Variants in STK32A observed in about 807,000 individuals in gnomAD.
STK32A encodes serine/threonine-protein kinase 32A.
In STK32A, 41 loss-of-function variants were observed where a neutral mutation model predicts 53.2. The ratio of observed to expected loss-of-function variants is 0.77; its 90% CI spans 0.60 to 1.00. The LOEUF (loss-of-function observed/expected upper bound fraction) is 1.00, where lower values mean the gene tolerates loss of function less well. Among genes scored for constraint, STK32A ranks in the 50% least tolerant of loss-of-function variants. The probability of loss-of-function intolerance (pLI) is 0.00; values close to 1 mark genes in which losing one functional copy is unlikely to be tolerated. For missense variants in STK32A, 458 were observed against 485.8 expected, an observed-to-expected ratio of 0.94 and a Z score of 0.54; for synonymous variants, 166 against 162.8, an observed-to-expected ratio of 1.02 and a Z score of -0.15.
At chr5:147,283,416 C>T (rs1752160538) in intron 4 of STK32A, among the ~76,000 whole-genome samples, 1 of 150,674 alleles carries the variant, frequency 6.6e-6, no homozygotes, top group African/African-American at 2.4e-5. Flanking sequence ...AAACCCAAAC[C>T]CGGCAGAAGA....
chr5:147,369,623 T>G (rs999380901), intron 8 of STK32A, among the ~76,000 whole-genome samples: 4 of 152,134 alleles, frequency 2.6e-5, no homozygotes, highest in African/African-American at 9.7e-5. Context: ...TTATATTACC[T>G]CTTAACACTG....
rs183341906 is a variant in STK32A at position 147,373,613 on chromosome 5, G to A, written c.903+319G>A. Among the ~76,000 whole-genome samples, 8 of 151,946 alleles carry A rather than the reference G, an allele frequency of 5.3e-5. No individual in the cohort carries two copies. In the East Asian group the frequency reaches 9.7e-4, roughly 18 times the overall value. ...ATAGTCATTCTCATGAATCTGCTGG[G>A]GTTTTTTTTAAGTTTTCTTTGATTC... is the stretch of plus-strand genomic sequence containing the variant. On this transcript the variant is annotated intron_variant, in intron 10 of 12. Coordinates refer to ENST00000397936, the MANE Select transcript of STK32A (RefSeq NM_001112724.2).
intron 2 of STK32A, among the ~76,000 whole-genome samples, chr5:147,271,975 T>G (rs2151951778): frequency 6.6e-6 from 1 of 152,270 alleles, no homozygotes; most frequent in East Asian, 1.9e-4. Flanking sequence ...CTCCCTCCCC[T>G]TTTGAAAATC....
chr5:147,284,123 C>G (rs999588198), intron 4 of STK32A, among the ~76,000 whole-genome samples: 1 of 152,050 alleles, frequency 6.6e-6, no homozygotes, highest in Non-Finnish European at 1.5e-5. Context: ...TTAACATACA[C>G]AAGTCAATAA....
intron 4 of STK32A, among the ~76,000 whole-genome samples, chr5:147,311,018 C>T (rs958954282): frequency 6.6e-6 from 1 of 152,128 alleles, no homozygotes; most frequent in Non-Finnish European, 1.5e-5. Context: ...AACTAATCTG[C>T]AACCTGTTAT....
chr5:147,361,103 G>A (rs1306383129), intron 7 of STK32A, among the ~76,000 whole-genome samples: 1 of 152,144 alleles, frequency 6.6e-6, no homozygotes, highest in Non-Finnish European at 1.5e-5. Context: ...AATGTATGCT[G>A]TACCAAATTC....
chr5:147,383,786 A>T (rs1757545660), intron 12 of STK32A, 104 bp from the exon 13 acceptor site: 11 of 1,110,410 alleles, frequency 9.9e-6, no homozygotes, highest in Non-Finnish European at 1.4e-5. Context: ...TCCTTGGCTC[A>T]TGCTTATTTA....
At chr5:147,350,588 G>A (rs748824203) in intron 6 of STK32A, among the ~76,000 whole-genome samples, 3 of 151,606 alleles carry the variant, frequency 2.0e-5, no homozygotes, top group African/African-American at 7.3e-5. Context: ...GGCTGGTCTC[G>A]AACTCCTGAC....
intron 2 of STK32A, among the ~76,000 whole-genome samples, chr5:147,258,656 AACATTCTTTT>A (rs137977574): frequency 0.079 from 11,894 of 150,342 alleles, 1,620 homozygotes; most frequent in African/African-American, 0.28. Flanking sequence ...TTTACTATAT[AACATTCTTTT>A]TACATAAATT....
At chr5:147,341,723 T>G (rs1477070518) in intron 5 of STK32A, among the ~76,000 whole-genome samples, 2 of 152,186 alleles carry the variant, frequency 1.3e-5, no homozygotes, top group Non-Finnish European at 2.9e-5. Flanking sequence ...TGAAAAGATT[T>G]GGACCAGTCT....
intron 11 of STK32A, among the ~76,000 whole-genome samples, chr5:147,377,099 C>G (rs1173444738): frequency 6.6e-6 from 1 of 152,128 alleles, no homozygotes; most frequent in Non-Finnish European, 1.5e-5. Flanking sequence ...CTTCTGAGCA[C>G]TGCCTTCACC....
At chr5:147,344,941 C>A (rs888043263) in intron 6 of STK32A, among the ~76,000 whole-genome samples, 21 of 152,222 alleles carry the variant, frequency 1.4e-4, no homozygotes, top group African/African-American at 5.1e-4. Context: ...ATCATTAAGG[C>A]ATCCTATTCT....
the STK32A span, among the ~76,000 whole-genome samples, chr5:147,398,290 T>G: frequency 1.3e-5 from 2 of 152,214 alleles, no homozygotes; most frequent in East Asian, 3.9e-4. Flanking sequence ...CTCCTTCATT[T>G]ACTCAATCAG....
Position 147,323,937 on chromosome 5 carries a change from G to A in STK32A, c.300G>A (p.Val100=), listed in dbSNP as rs980277204. The change falls in exon 5 of 13, where the codon GTG becomes GTA. Residue 100 remains valine (V), a synonymous_variant. Transcript: ENST00000397936. ...FQDEEDMFMV[V]DLLLGGDLRY... is the part of the protein sequence containing the mutation. ...ATGAGGAAGACATGTTCATGGTGGTGGACCTCCTGCTGGGTGGAGACCTGC... is the reference window on the plus strand; with the variant it reads ...ATGAGGAAGACATGTTCATGGTGGTAGACCTCCTGCTGGGTGGAGACCTGC... 2 of 1,613,642 alleles carry A rather than the reference G, an allele frequency of 1.2e-6. No homozygotes were observed. The highest frequency in any genetic ancestry group is 1.7e-6 in the Non-Finnish European group (2 of 1,179,836).
intron 5 of STK32A, among the ~76,000 whole-genome samples, chr5:147,329,192 C>G (rs1163933680): frequency 6.6e-6 from 1 of 152,094 alleles, no homozygotes; most frequent in East Asian, 1.9e-4. Flanking sequence ...TTATTTATCA[C>G]CTTTGCCTTC....
intron 2 of STK32A, among the ~76,000 whole-genome samples, chr5:147,273,974 CCCT>C (rs1755151217): frequency 6.6e-6 from 1 of 152,146 alleles, no homozygotes; most frequent in African/African-American, 2.4e-5. Flanking sequence ...ATAAACAGAT[CCCT>C]CATACATATA....
intron 4 of STK32A, among the ~76,000 whole-genome samples, chr5:147,315,598 TGGG>T (rs1753955350): frequency 6.6e-6 from 1 of 152,190 alleles, no homozygotes; most frequent in Admixed American, 6.5e-5. Flanking sequence ...TATTATTAAA[TGGG>T]TATAGAGTTT....
intron 5 of STK32A, among the ~76,000 whole-genome samples, chr5:147,325,351 C>T (rs748183345): frequency 6.6e-6 from 1 of 151,784 alleles, no homozygotes; most frequent in African/African-American, 2.4e-5. Context: ...TGGGGTTTCA[C>T]CATGTTGCCC....
intron 8 of STK32A, among the ~76,000 whole-genome samples, chr5:147,364,961 C>T (rs530452942): frequency 1.3e-5 from 2 of 152,236 alleles, no homozygotes; most frequent in East Asian, 1.9e-4. Flanking sequence ...GAAGACCTGA[C>T]TTTAGGAGCT....
Sources: gnomAD v4.1 joint callset for allele counts (sites outside exome capture counted in the v4.1 genomes callset) on GRCh38, gnomAD v4.1.1 for gene constraint, MANE v1.5 for transcripts, NCBI Gene and HGNC (gene_info 2026-07-23, HGNC 2026-07-21) for gene names.